Variants in ERC2 observed in about 807,000 individuals in gnomAD.
ERC2 encodes the protein ELKS/RAB6-interacting/CAST family member 2, also known as ERC protein 2.
A neutral mutation model predicts 114.8 loss-of-function variants in ERC2; 42 were observed. That is an observed-to-expected ratio of 0.37 (90% confidence interval 0.29 to 0.47). ERC2 has a LOEUF of 0.47. Ranked by LOEUF, ERC2 falls within the 20% of genes least tolerant of loss-of-function variation. ERC2 has a pLI of 0.99. For synonymous variants in ERC2, 454 were observed against 425.5 expected (o/e 1.07, Z -0.82); for missense variants, 939 against 1,150.7 (o/e 0.82, Z 2.66).
intron 7 of ERC2, among the ~76,000 whole-genome samples, chr3:56,080,040 G>A (rs903847112): frequency 3.9e-5 from 6 of 151,904 alleles, no homozygotes; most frequent in Non-Finnish European, 7.4e-5. Flanking sequence ...TTCCTCTCTG[G>A]CCCCCTGTTC....
intron 7 of ERC2, among the ~76,000 whole-genome samples, chr3:56,056,307 A>G (rs1345532930): frequency 6.6e-6 from 1 of 152,228 alleles, no homozygotes; most frequent in Non-Finnish European, 1.5e-5. Flanking sequence ...ATGAAATGTC[A>G]TTTGGTCTTT....
At chr3:56,188,409 GGCATATGAATCAACA>G (rs1232303819) in intron 3 of ERC2, among the ~76,000 whole-genome samples, 1 of 152,112 alleles carries the variant, frequency 6.6e-6, no homozygotes, top group Non-Finnish European at 1.5e-5. Flanking sequence ...AGCAAGGAAT[GGCATATGAATCAACA>G]GCGTGTTCCC....
chr3:55,972,533 T>A (rs553375690), intron 12 of ERC2, among the ~76,000 whole-genome samples: 1 of 152,322 alleles, frequency 6.6e-6, no homozygotes, highest in Non-Finnish European at 1.5e-5. Context: ...CAGTGTTTGG[T>A]TTTCTGTTCC....
chr3:56,279,715 G>A (rs1310872524), intron 3 of ERC2, among the ~76,000 whole-genome samples: 1 of 152,228 alleles, frequency 6.6e-6, no homozygotes, highest in Non-Finnish European at 1.5e-5. Flanking sequence ...TTTCTAAGAT[G>A]ATCCTGAGAG....
At chr3:55,856,086 A>G (rs1288340265) in intron 14 of ERC2, among the ~76,000 whole-genome samples, 2 of 152,212 alleles carry the variant, frequency 1.3e-5, no homozygotes, top group African/African-American at 4.8e-5. Flanking sequence ...CTTGACTACA[A>G]ATGCAAGAGG....
At position 55,585,995 on chromosome 3, in the gene ERC2, G is replaced by C. The variant is rs187706634; in HGVS notation, c.*40-74719C>G. Among the ~76,000 whole-genome samples the C allele has an allele frequency of 9.6e-4, 147 of 152,334 alleles. 2 individuals are homozygous for C. In the East Asian group the frequency reaches 0.025, roughly 26 times the overall value. ...TTAGCCTGCAGCCACAGGAGGGAAG[G>C]CTCCAGGAAGCTCTGGAAAGGGCAG... On this transcript the variant is annotated intron_variant, in intron 17 of 17. Coordinates refer to ENST00000288221, the MANE Select transcript of ERC2 (RefSeq NM_015576.3).
At chr3:56,173,313 A>T (rs989081399) in intron 4 of ERC2, 133 bp downstream of exon 4, 9 of 802,590 alleles carry the variant, frequency 1.1e-5, no homozygotes, top group Non-Finnish European at 1.8e-5. Flanking sequence ...GGTAAAAAAA[A>T]TCCAGAAGTA....
chr3:56,399,676 T>C (rs1576767246), intron 2 of ERC2, among the ~76,000 whole-genome samples: 1 of 91,018 alleles, frequency 1.1e-5, no homozygotes, highest in Admixed American at 1.3e-4. Flanking sequence ...TCTAAGCACA[T>C]TTTTTATTCC....
At chr3:56,206,897 T>C (rs1397485111) in intron 3 of ERC2, among the ~76,000 whole-genome samples, 1 of 152,236 alleles carries the variant, frequency 6.6e-6, no homozygotes, top group African/African-American at 2.4e-5. Flanking sequence ...GGAATTTAAA[T>C]AGATGCAACA....
chr3:56,181,223 G>A lies in ERC2; in HGVS notation c.1075-7703C>T, dbSNP rs142595487. 1.7e-3 allele frequency among the ~76,000 whole-genome samples: 259 copies of A among 152,202 alleles called. 1 individual carries two copies. The highest frequency in any genetic ancestry group is 5.9e-3 in the African/African-American group (243 of 41,502). On this transcript the variant is annotated intron_variant, in intron 3 of 17. Coordinates refer to ENST00000288221, the MANE Select transcript of ERC2 (RefSeq NM_015576.3). ...AATGTGTTTTAGGTATCTTAAATGC[G>A]CAATAATTCTCTTCTTTCTAAAACA...
chr3:55,737,631 A>G (rs2065718514), intron 14 of ERC2, among the ~76,000 whole-genome samples: 2 of 152,326 alleles, frequency 1.3e-5, no homozygotes, highest in South Asian at 4.1e-4. Context: ...AGGTAAATTG[A>G]CTACACCTCT....
chr3:56,158,808 G>GTTTTTTTTTTCAAATAATAAT (rs11440217), intron 4 of ERC2, among the ~76,000 whole-genome samples: 2 of 150,068 alleles, frequency 1.3e-5, no homozygotes, highest in Non-Finnish European at 3.0e-5. Flanking sequence ...TAACAAACTT[G>GTTTTTTTTTTCAAATAATAAT]TTTTTTTTCA....
intron 2 of ERC2, among the ~76,000 whole-genome samples, chr3:56,312,613 TA>T (rs928484350): frequency 1.3e-5 from 2 of 152,044 alleles, no homozygotes; most frequent in Non-Finnish European, 2.9e-5. Flanking sequence ...TGTATCAATT[TA>T]AAAATAATAA....
chr3:56,211,952 C>A (rs551916581), intron 3 of ERC2, among the ~76,000 whole-genome samples: 3 of 152,210 alleles, frequency 2.0e-5, no homozygotes, highest in African/African-American at 7.2e-5. Context: ...AAAATCGACT[C>A]AAGATGGATC....
intron 13 of ERC2, among the ~76,000 whole-genome samples, chr3:55,932,887 C>T (rs1559891631): frequency 6.6e-6 from 1 of 152,104 alleles, no homozygotes; most frequent in Non-Finnish European, 1.5e-5. Flanking sequence ...GTCTGGCCAG[C>T]AAAAATGGTA....
chr3:55,710,981 C>T (rs942023680), intron 15 of ERC2, among the ~76,000 whole-genome samples: 8 of 152,178 alleles, frequency 5.3e-5, no homozygotes, highest in Admixed American at 3.9e-4. Flanking sequence ...TGTCCTTGCC[C>T]CTGGCCGTCT....
chr3:55,597,419 CA>C (rs34105072), intron 17 of ERC2, among the ~76,000 whole-genome samples: 2,392 of 128,384 alleles, frequency 0.019, 64 homozygotes, highest in African/African-American at 0.062. Flanking sequence ...GACTCCAACT[CA>C]AAAAAAAAAA....
intron 17 of ERC2, among the ~76,000 whole-genome samples, chr3:55,586,033 G>C (rs2057581454): frequency 6.6e-6 from 1 of 152,198 alleles, no homozygotes; most frequent in African/African-American, 2.4e-5. Context: ...TTTGAGAGCA[G>C]GGCTTCCTGG....
chr3:55,906,647 C>T (rs1397996502), intron 13 of ERC2, among the ~76,000 whole-genome samples: 1 of 152,188 alleles, frequency 6.6e-6, no homozygotes, highest in Non-Finnish European at 1.5e-5. Flanking sequence ...TCCAGAACTA[C>T]TGCTTCACAC....
Sources: allele counts gnomAD v4.1 joint callset (sites outside exome capture counted in the v4.1 genomes callset), GRCh38; gene constraint gnomAD v4.1.1; transcripts MANE v1.5; gene names NCBI Gene and HGNC (gene_info 2026-07-23, HGNC 2026-07-21).